Variants in NRG1 observed in about 807,000 individuals in gnomAD.
The protein encoded by NRG1 is neuregulin 1.
A neutral mutation model predicts 63.8 loss-of-function variants in NRG1; 18 were observed. The ratio of observed to expected loss-of-function variants is 0.28; its 90% CI spans 0.19 to 0.42. The LOEUF (loss-of-function observed/expected upper bound fraction) is 0.42. NRG1 is among the 10% of genes least tolerant of loss of function. The pLI is 1.00. For missense variants in NRG1, 762 were observed against 814.7 expected (o/e 0.94, Z 0.79); for synonymous variants, 302 against 301.3 (o/e 1.00, Z -0.02).
intron 1 of NRG1, among the ~76,000 whole-genome samples, chr8:32,242,770 T>C (rs899463683): frequency 2.6e-5 from 4 of 152,306 alleles, no homozygotes; most frequent in African/African-American, 9.6e-5. Flanking sequence ...TATATTAATT[T>C]TTTACAACCA....
chr8:31,701,499 G>C (rs1402882268), intron 1 of NRG1, among the ~76,000 whole-genome samples: 1 of 152,024 alleles, frequency 6.6e-6, no homozygotes, highest in Non-Finnish European at 1.5e-5. Context: ...TATTAATCTA[G>C]ATTTGCCTGG....
chr8:31,956,056 A>AAC (rs1480087130), intron 1 of NRG1, among the ~76,000 whole-genome samples: 2 of 150,656 alleles, frequency 1.3e-5, no homozygotes, highest in African/African-American at 4.9e-5. Flanking sequence ...AAAAAAAACA[A>AAC]AAAAACAAAA....
intron 1 of NRG1, among the ~76,000 whole-genome samples, chr8:32,164,250 A>AG (rs1164450188): frequency 1.3e-5 from 2 of 151,748 alleles, no homozygotes; most frequent in African/African-American, 4.8e-5. Context: ...TCTGAAAGAA[A>AG]AAAAAAAACT....
At chr8:32,570,641 T>C (rs774870009) in intron 1 of NRG1, among the ~76,000 whole-genome samples, 1 of 152,174 alleles carries the variant, frequency 6.6e-6, no homozygotes. Context: ...TATTTTCAAA[T>C]GTATGTAAAT....
At chr8:32,366,675 GTGTATATATATATATATATATATATATA>G (rs1808069777) in intron 1 of NRG1, among the ~76,000 whole-genome samples, 4 of 54,538 alleles carry the variant, frequency 7.3e-5, no homozygotes, top group Admixed American at 1.9e-4. Flanking sequence ...GTGTGTGTGT[GTGTATATATATATATATATATATATATA>G]TATATATATA....
At chr8:32,614,063 T>C (rs986782527) in intron 3 of NRG1, among the ~76,000 whole-genome samples, 3 of 152,044 alleles carry the variant, frequency 2.0e-5, no homozygotes, top group Non-Finnish European at 4.4e-5. Context: ...AACTTGATGT[T>C]TTTCACCAAT....
intron 6 of NRG1, among the ~76,000 whole-genome samples, chr8:32,736,655 T>C (rs1825143244): frequency 2.0e-5 from 3 of 152,220 alleles, no homozygotes. Flanking sequence ...TTTTAAATTG[T>C]CCAAATATTT....
intron 5 of NRG1, among the ~76,000 whole-genome samples, chr8:32,634,982 C>T (rs1851051250): frequency 6.6e-6 from 1 of 152,218 alleles, no homozygotes; most frequent in South Asian, 2.1e-4. Context: ...ACTTTGCATA[C>T]TGATTGTAAA....
chr8:31,985,150 C>A, intron 1 of NRG1, among the ~76,000 whole-genome samples: 1 of 151,374 alleles, frequency 6.6e-6, no homozygotes, highest in African/African-American at 2.4e-5. Flanking sequence ...TGTTTTTAGA[C>A]AAGAAAAAGA....
intron 1 of NRG1, among the ~76,000 whole-genome samples, chr8:32,112,122 A>G (rs903560721): frequency 1.3e-5 from 2 of 152,238 alleles, no homozygotes; most frequent in Admixed American, 1.3e-4. Flanking sequence ...CAATGCTCAC[A>G]AGACAGATCT....
intron 1 of NRG1, among the ~76,000 whole-genome samples, chr8:32,093,062 G>A (rs1237238724): frequency 6.6e-6 from 1 of 152,154 alleles, no homozygotes; most frequent in African/African-American, 2.4e-5. Flanking sequence ...GGAAAAGAAA[G>A]AGAGATCAGA....
rs1312321295 is a variant in NRG1 at position 32,463,871 on chromosome 8, ATTCTTTTTTTTTTTTTTTTTT to A, written c.38-131954_38-131934del. On this transcript the variant is annotated intron_variant, in intron 1 of 10. Transcript: ENST00000519301. Reference sequence around the variant, plus strand: ...CACACACACACGAAAAAAACTTAGAATTCTTTTTTTTTTTTTTTTTTTTTTTTTTTTTTTTTTTTTTTGGGG... The same window carrying A: ...CACACACACACGAAAAAAACTTAGAATTTTTTTTTTTTTTTTTTTTTGGGG... Among the ~76,000 whole-genome samples the A allele has an allele frequency of 3.0e-3, 241 of 80,598 alleles. 3 individuals are homozygous for A. The highest frequency in any genetic ancestry group is 0.01 in the African/African-American group (238 of 23,512). The allele number at this position is 80,598 out of a possible 152,430, so 52.9% of individuals were successfully genotyped here.
At chr8:32,437,236 C>T (rs1818906276) in intron 1 of NRG1, among the ~76,000 whole-genome samples, 1 of 152,148 alleles carries the variant, frequency 6.6e-6, no homozygotes, top group Admixed American at 6.6e-5. Flanking sequence ...AAAAACCCTC[C>T]ATTCCCGCAG....
intron 1 of NRG1, among the ~76,000 whole-genome samples, chr8:32,089,808 G>T (rs1208696092): frequency 2.0e-5 from 3 of 151,796 alleles, no homozygotes; most frequent in Non-Finnish European, 2.9e-5. Flanking sequence ...AAAAGAGAAA[G>T]AAAAAAAGAA....
At chr8:31,850,020 TTTG>T (rs1330057187) in intron 1 of NRG1, among the ~76,000 whole-genome samples, 4 of 152,186 alleles carry the variant, frequency 2.6e-5, no homozygotes, top group African/African-American at 9.6e-5. Flanking sequence ...CCCATATGAC[TTTG>T]TTTTTTCCCC....
chr8:32,368,855 G>A (rs1206508353), intron 1 of NRG1, among the ~76,000 whole-genome samples: 1 of 152,160 alleles, frequency 6.6e-6, no homozygotes, highest in Non-Finnish European at 1.5e-5. Context: ...ACTATAGAAA[G>A]CTATGAAAGT....
chr8:32,772,489 T>G (rs1831883376), downstream of NRG1, among the ~76,000 whole-genome samples: 1 of 152,156 alleles, frequency 6.6e-6, no homozygotes, highest in Non-Finnish European at 1.5e-5. Context: ...TAAATATAAT[T>G]CATGAGGACA....
chr8:32,617,845 A>T (rs1262104196), intron 5 of NRG1, among the ~76,000 whole-genome samples: 1 of 152,196 alleles, frequency 6.6e-6, no homozygotes, highest in African/African-American at 2.4e-5. Flanking sequence ...CAATCTGTTT[A>T]AATAAATCCT....
intron 1 of NRG1, among the ~76,000 whole-genome samples, chr8:31,842,014 C>G (rs1048208643): frequency 6.6e-5 from 10 of 152,200 alleles, no homozygotes; most frequent in African/African-American, 2.4e-4. Context: ...CCTCCCCATT[C>G]TACTCAGCTC....
Sources: allele counts gnomAD v4.1 joint callset (sites outside exome capture counted in the v4.1 genomes callset), GRCh38; gene constraint gnomAD v4.1.1; transcripts MANE v1.5; gene names NCBI Gene and HGNC (gene_info 2026-07-23, HGNC 2026-07-21).